The following HTR2C variants were observed in gnomAD, a reference collection of about 807,000 sequenced individuals.
The protein encoded by HTR2C is 5-hydroxytryptamine (serotonin) receptor 2C, G protein-coupled.
Under a neutral mutation model 21.0 loss-of-function variants are expected in HTR2C, and 5 were observed. The observed-to-expected ratio is 0.24, with a 90% CI of 0.12 to 0.50. The LOEUF (loss-of-function observed/expected upper bound fraction) is 0.50, where lower values mean the gene tolerates loss of function less well. Ranked by LOEUF, HTR2C falls within the 20% of genes least tolerant of loss-of-function variation. The pLI is 0.98. For synonymous variants in HTR2C, 150 were observed against 145.3 expected, an observed-to-expected ratio of 1.03 and a Z score of -0.23; for missense variants, 271 against 371.2, an observed-to-expected ratio of 0.73 and a Z score of 2.22.
At chrX:114,809,882 G>A (rs1974226704) in intron 4 of HTR2C, among the ~76,000 whole-genome samples, 1 of 111,375 alleles carries the variant, frequency 9.0e-6, no homozygotes, top group African/African-American at 3.3e-5. Context: ...AATGTGCTGG[G>A]TCACATCTGA....
chrX:114,645,291 T>A (rs1930321206), intron 2 of HTR2C, among the ~76,000 whole-genome samples: 1 of 110,803 alleles, frequency 9.0e-6, no homozygotes, highest in Non-Finnish European at 1.9e-5. Flanking sequence ...ATTGCTATAT[T>A]AAGGCTCACA....
intron 5 of HTR2C, among the ~76,000 whole-genome samples, chrX:114,862,608 T>C (rs782245723): frequency 2.7e-5 from 3 of 111,085 alleles, no homozygotes; most frequent in East Asian, 5.6e-4. Context: ...TTTATGTATA[T>C]ATAATAGTTG....
intron 2 of HTR2C, among the ~76,000 whole-genome samples, chrX:114,637,137 A>T (rs1425565508): frequency 9.0e-6 from 1 of 111,644 alleles, no homozygotes; most frequent in African/African-American, 3.3e-5. Flanking sequence ...TTTTTTTCAG[A>T]AATACATAAT....
At chrX:114,642,562 G>C (rs1350331537) in intron 2 of HTR2C, among the ~76,000 whole-genome samples, 1 of 111,957 alleles carries the variant, frequency 8.9e-6, no homozygotes, top group African/African-American at 3.2e-5. Context: ...GAATATACAA[G>C]TTAGTATCTT....
intron 4 of HTR2C, among the ~76,000 whole-genome samples, chrX:114,754,690 C>A (rs372774936): frequency 2.8e-5 from 3 of 108,429 alleles, no homozygotes; most frequent in Admixed American, 9.8e-5. Flanking sequence ...AAAAAAAAAA[C>A]ACAAAATTTT....
chrX:114,585,177 T>C (rs1053417494), intron 1 of HTR2C, among the ~76,000 whole-genome samples: 1 of 109,822 alleles, frequency 9.1e-6, no homozygotes, highest in African/African-American at 3.3e-5. Flanking sequence ...GAACCAAGGA[T>C]CCTTTATTAT....
intron 4 of HTR2C, among the ~76,000 whole-genome samples, chrX:114,839,423 A>G (rs1221452158): frequency 8.9e-6 from 1 of 111,985 alleles, no homozygotes; most frequent in Non-Finnish European, 1.9e-5. Flanking sequence ...GTGGGGGCTT[A>G]TGCCTGTAAT....
At chrX:114,736,746 A>C (rs989395307) in intron 4 of HTR2C, among the ~76,000 whole-genome samples, 2 of 111,973 alleles carry the variant, frequency 1.8e-5, no homozygotes, top group Non-Finnish European at 3.8e-5. Flanking sequence ...CGCAAAATTT[A>C]ATCATATATT....
intron 2 of HTR2C, among the ~76,000 whole-genome samples, chrX:114,718,528 G>A (rs1396307268): frequency 3.6e-5 from 4 of 111,721 alleles, no homozygotes; most frequent in African/African-American, 9.8e-5. Flanking sequence ...ATTAGTTGAG[G>A]TTATTCTGCA....
At chrX:114,714,584 G>C (rs1932949224) in intron 2 of HTR2C, among the ~76,000 whole-genome samples, 1 of 111,907 alleles carries the variant, frequency 8.9e-6, no homozygotes, top group Non-Finnish European at 1.9e-5. Context: ...CAAACAAAAG[G>C]CTTTGTCAGG....
At chrX:114,807,460 CA>C (rs2070485416) in intron 4 of HTR2C, among the ~76,000 whole-genome samples, 1 of 69,511 alleles carries the variant, frequency 1.4e-5, no homozygotes, top group South Asian at 6.7e-4. Context: ...ATATATACGC[CA>C]TATATATATA....
chrX:114,764,518 T>G lies in HTR2C; in HGVS notation c.349+32911T>G, dbSNP rs1400141905. 6.2e-5 allele frequency among the ~76,000 whole-genome samples: 7 copies of G among 112,111 alleles called. No individual in the cohort carries two copies. The Admixed American group carries it at 6.6e-4, about 11-fold the overall frequency. ...ATGTAATTGTAGTTAACATTCCAGT[T>G]CTGGTTGCAAAAATAATTTCACTAC... On this transcript the variant is annotated intron_variant, in intron 4 of 5. Coordinates refer to ENST00000276198, the MANE Select transcript of HTR2C (RefSeq NM_000868.4).
intron 2 of HTR2C, among the ~76,000 whole-genome samples, chrX:114,657,895 A>C (rs1429745803): frequency 9.0e-6 from 1 of 110,802 alleles, no homozygotes; most frequent in South Asian, 3.7e-4. Context: ...TAAAACTATT[A>C]ATCTCGGTCA....
intron 4 of HTR2C, among the ~76,000 whole-genome samples, chrX:114,844,996 A>G (rs1021272343): frequency 3.6e-5 from 4 of 111,647 alleles, no homozygotes; most frequent in African/African-American, 1.3e-4. Context: ...GAGGACTTGA[A>G]CAACACTATA....
intron 4 of HTR2C, among the ~76,000 whole-genome samples, chrX:114,746,392 T>C (rs782386446): frequency 9.0e-6 from 1 of 111,508 alleles, no homozygotes; most frequent in East Asian, 2.8e-4. Flanking sequence ...AGTTCAGCAA[T>C]ATATAAAAGG....
At chrX:114,819,584 A>G (rs188932163) in intron 4 of HTR2C, among the ~76,000 whole-genome samples, 1 of 112,617 alleles carries the variant, frequency 8.9e-6, no homozygotes, top group African/African-American at 3.2e-5. Flanking sequence ...ATGTATTACA[A>G]TTAGGCCCTC....
At chrX:114,900,119 G>A (rs1251804570) in intron 5 of HTR2C, among the ~76,000 whole-genome samples, 2 of 110,472 alleles carry the variant, frequency 1.8e-5, no homozygotes, top group African/African-American at 6.6e-5. Flanking sequence ...TTTTGGTCAG[G>A]GCGTTTCCAT....
chrX:114,881,823 C>T (rs957039299), intron 5 of HTR2C, among the ~76,000 whole-genome samples: 1 of 110,179 alleles, frequency 9.1e-6, no homozygotes, highest in Non-Finnish European at 1.9e-5. Context: ...ACTCTGGCTA[C>T]TCTGAGTCCT....
chrX:114,599,253 T>C (rs191305073), intron 1 of HTR2C, among the ~76,000 whole-genome samples: 45 of 112,016 alleles, frequency 4.0e-4, no homozygotes, highest in Non-Finnish European at 7.7e-4. Flanking sequence ...ATAATATCCG[T>C]ATGTTTCACA....
Sources: gnomAD v4.1 joint callset for allele counts (sites outside exome capture counted in the v4.1 genomes callset) on GRCh38, gnomAD v4.1.1 for gene constraint, MANE v1.5 for transcripts, NCBI Gene and HGNC (gene_info 2026-07-23, HGNC 2026-07-21) for gene names.